LARGE1: variants seen among roughly 807,000 people sequenced by gnomAD.
LARGE1 encodes the protein LARGE xylosyl- and glucuronyltransferase 1, also known as xylosyl- and glucuronyltransferase LARGE1.
Under a neutral mutation model 87.6 loss-of-function variants are expected in LARGE1, and 43 were observed. The observed-to-expected ratio is 0.49, with a 90% CI of 0.38 to 0.63. LARGE1 has a LOEUF of 0.63. Ranked by LOEUF, LARGE1 falls within the 30% of genes least tolerant of loss-of-function variation. The pLI is 0.00. For missense variants in LARGE1, 802 were observed against 1,000.2 expected, an observed-to-expected ratio of 0.80 and a Z score of 2.67; for synonymous variants, 434 against 394.6, an observed-to-expected ratio of 1.10 and a Z score of -1.18.
intron 4 of LARGE1, among the ~76,000 whole-genome samples, chr22:33,623,087 C>T (rs1006435074): frequency 2.0e-5 from 3 of 150,386 alleles, no homozygotes; most frequent in East Asian, 2.0e-4. Context: ...TGAGAAATAG[C>T]GTAATTGAAT....
intron 7 of LARGE1, among the ~76,000 whole-genome samples, chr22:33,405,091 CTTTG>C (rs1365734832): frequency 6.6e-5 from 10 of 152,164 alleles, no homozygotes; most frequent in African/African-American, 9.7e-5. Flanking sequence ...TTATTTTTGT[CTTTG>C]TTTCTTTCTT....
intron 5 of LARGE1, among the ~76,000 whole-genome samples, chr22:33,583,481 A>C (rs79797696): frequency 0.015 from 2,261 of 152,298 alleles, 51 homozygotes; most frequent in African/African-American, 0.051. Flanking sequence ...CCTTAAGGTC[A>C]GGGTTTTGGA....
intron 10 of LARGE1, among the ~76,000 whole-genome samples, chr22:33,335,392 A>G (rs1194522178): frequency 6.6e-6 from 1 of 152,126 alleles, no homozygotes; most frequent in African/African-American, 2.4e-5. Context: ...GCCAGTGGCG[A>G]TCCACTGTGA....
At chr22:33,125,437 C>T in the LARGE1 span, among the ~76,000 whole-genome samples, 1 of 139,498 alleles carries the variant, frequency 7.2e-6, no homozygotes, top group Non-Finnish European at 1.5e-5. Context: ...GAGTACACAT[C>T]CTGCTTTCAA....
chr22:33,918,372 C>G (rs948832077), intron 1 of LARGE1, among the ~76,000 whole-genome samples: 3 of 152,126 alleles, frequency 2.0e-5, no homozygotes, highest in African/African-American at 7.2e-5. Context: ...TTCCTTTCCT[C>G]GCCACTCTTG....
rs35976426 is a variant in LARGE1, at chr22:33,441,071, C to CTTTTTTTTTTTTTTTT, written c.788-8822_788-8807dup. On this transcript the variant is annotated intron_variant, in intron 6 of 14. Transcript: ENST00000397394. Reference sequence around the variant, plus strand: ...CTCAGCTGCTGCTATTTTGTTTGAACTTTTTTTTTTTTTTTTTTTTGAGAG... The same window carrying CTTTTTTTTTTTTTTTT: ...CTCAGCTGCTGCTATTTTGTTTGAACTTTTTTTTTTTTTTTTTTTTTTTTTTTTTTTTTTTTGAGAG... Among the ~76,000 whole-genome samples, 329 of 98,494 alleles carry CTTTTTTTTTTTTTTTT rather than the reference C, an allele frequency of 3.3e-3. 26 individuals carry two copies. The highest frequency in any genetic ancestry group is 0.014 in the African/African-American group (281 of 20,370). The allele number at this position is 98,494 out of a possible 152,430, so 64.6% of individuals were successfully genotyped here.
At chr22:33,826,344 C>CTTTTTTTT (rs35127990) in intron 1 of LARGE1, among the ~76,000 whole-genome samples, 4,287 of 137,612 alleles carry the variant, frequency 0.031, 102 homozygotes, top group African/African-American at 0.056. Context: ...CTTTGCATAC[C>CTTTTTTTT]TTTTTTTTTT....
intron 2 of LARGE1, chr22:33,747,663 C>T (rs1234968059): frequency 1.3e-5 from 2 of 152,424 alleles, no homozygotes; most frequent in East Asian, 1.9e-4. Flanking sequence ...CTCTCTCCAT[C>T]CACTAGGAAA....
intron 7 of LARGE1, among the ~76,000 whole-genome samples, chr22:33,426,666 G>A (rs758392968): frequency 1.3e-4 from 20 of 152,050 alleles, no homozygotes; most frequent in Non-Finnish European, 2.1e-4. Context: ...TGCCTTCCAC[G>A]GTTTGCTCTA....
At chr22:33,659,744 T>TA (rs71187276) in intron 2 of LARGE1, among the ~76,000 whole-genome samples, 12,906 of 121,946 alleles carry the variant, frequency 0.11, 1,136 homozygotes, top group African/African-American at 0.22. Context: ...GAAGAACAGT[T>TA]AAAAAAAAAA....
chr22:33,647,342 T>G (rs1403427202), intron 3 of LARGE1, among the ~76,000 whole-genome samples: 1 of 152,216 alleles, frequency 6.6e-6, no homozygotes, highest in Non-Finnish European at 1.5e-5. Flanking sequence ...AGGGTATCCC[T>G]GTAACTAAGT....
At chr22:33,591,761 ACTTTGGGAGG>A (rs902101949) in intron 5 of LARGE1, among the ~76,000 whole-genome samples, 3 of 148,306 alleles carry the variant, frequency 2.0e-5, no homozygotes, top group Admixed American at 1.4e-4. Flanking sequence ...TAATCCCAAC[ACTTTGGGAGG>A]CCGAGGTAGC....
At chr22:33,705,201 A>C (rs1253405543) in intron 2 of LARGE1, among the ~76,000 whole-genome samples, 2 of 152,220 alleles carry the variant, frequency 1.3e-5, no homozygotes, top group Admixed American at 1.3e-4. Flanking sequence ...CACACCTGGC[A>C]ACACTGGGCA....
the LARGE1 span, among the ~76,000 whole-genome samples, chr22:33,141,188 T>A: frequency 8.2e-5 from 12 of 146,432 alleles, no homozygotes; most frequent in Admixed American, 2.0e-4. Context: ...TCTCTCTCTC[T>A]CTCTCTCACA....
downstream of LARGE1, among the ~76,000 whole-genome samples, chr22:33,269,348 G>C (rs769462614): frequency 1.3e-5 from 2 of 152,136 alleles, no homozygotes; most frequent in Non-Finnish European, 2.9e-5. Flanking sequence ...AACCAGCCTT[G>C]GCATTATCTG....
chr22:33,491,309 G>T (rs1156269153), intron 6 of LARGE1, among the ~76,000 whole-genome samples: 3 of 152,128 alleles, frequency 2.0e-5, no homozygotes, highest in African/African-American at 7.2e-5. Context: ...TACAATGCAA[G>T]AATTTTTATG....
the LARGE1 span, among the ~76,000 whole-genome samples, chr22:33,081,705 A>G: frequency 6.6e-6 from 1 of 152,224 alleles, no homozygotes; most frequent in Non-Finnish European, 1.5e-5. Context: ...GAGGTTTTGT[A>G]GCCTTCTACC....
chr22:33,834,090 A>T (rs981803166), intron 1 of LARGE1, among the ~76,000 whole-genome samples: 1 of 152,178 alleles, frequency 6.6e-6, no homozygotes, highest in African/African-American at 2.4e-5. Context: ...AAGGTAATAA[A>T]GCCTGACTCC....
chr22:33,738,311 G>A (rs1163929895), intron 2 of LARGE1, among the ~76,000 whole-genome samples: 2 of 152,100 alleles, frequency 1.3e-5, no homozygotes, highest in African/African-American at 2.4e-5. Flanking sequence ...CCTAGGAGGT[G>A]GTCTGGATAT....
Sources: gnomAD v4.1 joint callset for allele counts (sites outside exome capture counted in the v4.1 genomes callset) on GRCh38, gnomAD v4.1.1 for gene constraint, MANE v1.5 for transcripts, NCBI Gene and HGNC (gene_info 2026-07-23, HGNC 2026-07-21) for gene names.